The following MAP3K4 variants were observed in gnomAD, a reference collection of about 807,000 sequenced individuals.
The protein encoded by MAP3K4 is MAP three kinase 1.
Under a neutral mutation model 185.6 loss-of-function variants are expected in MAP3K4, and 67 were observed. That is an observed-to-expected ratio of 0.36 (90% CI 0.30 to 0.44). The LOEUF is 0.44. MAP3K4 is among the 20% of genes least tolerant of loss of function. MAP3K4 has a pLI of 1.00. For synonymous variants in MAP3K4, 702 were observed against 710.4 expected (o/e 0.99, Z 0.19); for missense variants, 1,551 against 1,995.1 (o/e 0.78, Z 4.24).
At chr6:161,065,623 A>G (rs1233505803) in intron 3 of MAP3K4, among the ~76,000 whole-genome samples, 1 of 152,190 alleles carries the variant, frequency 6.6e-6, no homozygotes, top group African/African-American at 2.4e-5. Flanking sequence ...AGTGTTTTAG[A>G]CTTCAGCTTT....
rs2114872551 is a variant in MAP3K4 at position 161,093,425 on chromosome 6, T to C, written c.3349-348T>C. Among the ~76,000 whole-genome samples, 1 of 152,348 alleles carries C rather than the reference T, an allele frequency of 6.6e-6. No individual in the cohort carries two copies. Among genetic ancestry groups the C allele is most frequent in the African/African-American group, 2.4e-5 (1 of 41,584 alleles). ...TGCTCGTGTTAAATATTATCACTGT[T>C]AGTCTGATAAGTGTCATCAGATTAG... is the stretch of plus-strand genomic sequence containing the variant. On this transcript the variant is annotated intron_variant, in intron 14 of 26. Coordinates refer to ENST00000392142, the MANE Select transcript of MAP3K4 (RefSeq NM_005922.4). This position sits in a 1 kb window ranked among gnomAD's most constrained non-coding sequence, Gnocchi z 5.2.
At chr6:161,035,587 A>C (rs1328972224) in intron 2 of MAP3K4, among the ~76,000 whole-genome samples, 1 of 152,200 alleles carries the variant, frequency 6.6e-6, no homozygotes, top group Admixed American at 6.5e-5. Context: ...ACTTCTTATA[A>C]AATTTGATTT....
intron 1 of MAP3K4, chr6:160,992,463 C>G (rs961017401): frequency 3.8e-6 from 1 of 264,186 alleles, no homozygotes; most frequent in African/African-American, 2.3e-5. Context: ...GAAAGTGGTC[C>G]CTCCCCTCTG....
chr6:161,030,674 C>A (rs1051223051), intron 1 of MAP3K4, among the ~76,000 whole-genome samples: 1 of 152,152 alleles, frequency 6.6e-6, no homozygotes, highest in African/African-American at 2.4e-5. Flanking sequence ...CTCAGCCTCC[C>A]CAGGTGCTGG....
In MAP3K4 at chr6:161,061,307, T is replaced by A. The variant is rs987395610; in HGVS notation, c.1708-9301T>A. 6.6e-6 allele frequency among the ~76,000 whole-genome samples: 1 copy of A among 152,248 alleles called. No individual in the cohort carries two copies. Among genetic ancestry groups the A allele is most frequent in the Non-Finnish European group, 1.5e-5 (1 of 68,044 alleles). On this transcript the variant is annotated intron_variant, in intron 3 of 26. Coordinates refer to ENST00000392142, the MANE Select transcript of MAP3K4 (RefSeq NM_005922.4). The surrounding 1 kb of genome is among the most constrained non-coding windows in gnomAD (Gnocchi z 4.2). Reference sequence around the variant, plus strand: ...ACAGTTCAAGTTTTGTTTTTGACCATCCTTAGGTTATAACCCTCTGTGGAT... The same window carrying A: ...ACAGTTCAAGTTTTGTTTTTGACCAACCTTAGGTTATAACCCTCTGTGGAT...
rs1486548481 is a variant in MAP3K4, at chr6:161,063,463, A to G, written c.1708-7145A>G. ...TTGTTTCCATGAACTTAAAGGAGAGAGGGAGTTAGGAAAGTGTTTGGGATT... is the reference window on the plus strand; with the variant it reads ...TTGTTTCCATGAACTTAAAGGAGAGGGGGAGTTAGGAAAGTGTTTGGGATT... On this transcript the variant is annotated intron_variant, in intron 3 of 26. Transcript: ENST00000392142. The surrounding 1 kb of genome is among the most constrained non-coding windows in gnomAD (Gnocchi z 5.4). Among the ~76,000 whole-genome samples the G allele has an allele frequency of 6.6e-6, 1 of 152,042 alleles. No homozygotes were observed. Among genetic ancestry groups the G allele is most frequent in the Non-Finnish European group, 1.5e-5 (1 of 68,010 alleles).
Position 161,037,769 on chromosome 6 carries a change from T to C in MAP3K4, c.343+3320T>C, listed in dbSNP as rs960848936. ...TTACTACTTTTTTTCTTGACTTAAATCTTAAAGCAAAATTAAATAATTACA... is the reference window on the plus strand; with the variant it reads ...TTACTACTTTTTTTCTTGACTTAAACCTTAAAGCAAAATTAAATAATTACA... On this transcript the variant is annotated intron_variant, in intron 2 of 26. Coordinates refer to ENST00000392142, the MANE Select transcript of MAP3K4 (RefSeq NM_005922.4). This position sits in a 1 kb window ranked among gnomAD's most constrained non-coding sequence, Gnocchi z 4.2. 3.9e-5 allele frequency among the ~76,000 whole-genome samples: 6 copies of C among 152,190 alleles called. No homozygotes were observed. Among genetic ancestry groups the C allele is most frequent in the African/African-American group, 1.4e-4 (6 of 41,454 alleles).
intron 1 of MAP3K4, among the ~76,000 whole-genome samples, chr6:161,011,312 A>G (rs931065150): frequency 2.6e-5 from 4 of 152,208 alleles, no homozygotes; most frequent in Admixed American, 6.5e-5. Flanking sequence ...AATTGATAAA[A>G]TGAGTATGGT....
chr6:161,003,876 T>C (rs1781449109), intron 1 of MAP3K4, among the ~76,000 whole-genome samples: 1 of 152,034 alleles, frequency 6.6e-6, no homozygotes, highest in Non-Finnish European at 1.5e-5. Flanking sequence ...AAGGATTCTA[T>C]TTTCAAGAAA....
At chr6:161,059,356 C>T (rs1046708526) in intron 3 of MAP3K4, among the ~76,000 whole-genome samples, 1 of 152,064 alleles carries the variant, frequency 6.6e-6, no homozygotes, top group South Asian at 2.1e-4. Flanking sequence ...AGGCTGGTCT[C>T]GAACTCCTGG....
chr6:161,066,307 C>T (rs1784711763), intron 3 of MAP3K4, among the ~76,000 whole-genome samples: 1 of 152,070 alleles, frequency 6.6e-6, no homozygotes. Flanking sequence ...TGCTTTTCTC[C>T]CCTTTTCCTT....
At chr6:161,066,249 A>C (rs1784707460) in intron 3 of MAP3K4, among the ~76,000 whole-genome samples, 1 of 152,162 alleles carries the variant, frequency 6.6e-6, no homozygotes, top group African/African-American at 2.4e-5. Context: ...ATCCCTATTC[A>C]GAGGCTGCTG....
chr6:161,089,289 G>A (rs750464258), intron 10 of MAP3K4, 33 bp from the exon 11 acceptor site: 3 of 1,603,560 alleles, frequency 1.9e-6, no homozygotes, highest in Non-Finnish European at 2.6e-6. Flanking sequence ...AACTGGGTTG[G>A]TTTTTATGTC....
At chr6:161,031,654 A>T (rs1166045748) in intron 1 of MAP3K4, among the ~76,000 whole-genome samples, 1 of 152,188 alleles carries the variant, frequency 6.6e-6, no homozygotes, top group Non-Finnish European at 1.5e-5. Flanking sequence ...TTCATCATCC[A>T]CACAGTACTG....
At chr6:161,009,449 G>T (rs1237879984) in intron 1 of MAP3K4, among the ~76,000 whole-genome samples, 3 of 152,134 alleles carry the variant, frequency 2.0e-5, no homozygotes, top group Non-Finnish European at 2.9e-5. Flanking sequence ...ACAGTTTCAT[G>T]AATTTAACTA....
Position 161,070,005 on chromosome 6 carries a change from T to G in MAP3K4, c.1708-603T>G, listed in dbSNP as rs1784868284. 6.6e-6 allele frequency among the ~76,000 whole-genome samples: 1 copy of G among 152,070 alleles called. No homozygotes were observed. ...GGGGTGGGGGCGGACAACGCAACAC[T>G]AGGGTTCCCGGGAAGCATCACAAAA... On this transcript the variant is annotated intron_variant, in intron 3 of 26. Transcript: ENST00000392142. The surrounding 1 kb of genome is among the most constrained non-coding windows in gnomAD (Gnocchi z 4.5).
Position 161,107,050 on chromosome 6 carries a change from G to GCACA in MAP3K4, c.4048+371_4048+374dup, listed in dbSNP as rs3050252. On this transcript the variant is annotated intron_variant, in intron 20 of 26. Coordinates refer to ENST00000392142, the MANE Select transcript of MAP3K4 (RefSeq NM_005922.4). The surrounding 1 kb of genome is among the most constrained non-coding windows in gnomAD (Gnocchi z 6.2). ...TCTCTCTCTCTCTACACACGCGCGCGCACACACACACACACACACACACAC... is the reference window on the plus strand; with the variant it reads ...TCTCTCTCTCTCTACACACGCGCGCGCACACACACACACACACACACACACACAC... Among the ~76,000 whole-genome samples, 2,703 of 105,216 alleles carry GCACA rather than the reference G, an allele frequency of 0.026. 32 individuals are homozygous for GCACA. Among genetic ancestry groups the GCACA allele is most frequent in the Admixed American group, 0.056 (473 of 8,436 alleles). The allele number at this position is 105,216 out of a possible 152,430, so 69.0% of individuals were successfully genotyped here.
chr6:161,098,294 T>C lies in MAP3K4; in HGVS notation c.3541T>C (p.Ser1181Pro). ...PEGFSTRSMP[S>P]DARSHGSPAA... is the part of the protein sequence containing the mutation. Reference sequence around the variant, plus strand: ...TTGTCTTAGCACTCGGAGCATGCCTTCCGACGCGCGGAGCCATGGCAGCCC... The same window carrying C: ...TTGTCTTAGCACTCGGAGCATGCCTCCCGACGCGCGGAGCCATGGCAGCCC... Residue 1181 changes from serine (S) to proline (P), a missense_variant, in exon 17 of 27, where the codon TCC becomes CCC. Ser to Pro is a moderately conservative substitution (Grantham distance 74, BLOSUM62 -1). Around this residue, in one of 16 missense-constraint regions of MAP3K4, gnomAD observed 272 missense variants for 301.2 expected, o/e 0.90. Coordinates refer to ENST00000392142, the MANE Select transcript of MAP3K4 (RefSeq NM_005922.4). The surrounding 1 kb of genome is among the most constrained non-coding windows in gnomAD (Gnocchi z 4.4). The C allele has an allele frequency of 1.9e-6, 3 of 1,612,838 alleles. No homozygotes were observed. The highest frequency in any genetic ancestry group is 1.7e-6 in the Non-Finnish European group (2 of 1,179,812).
chr6:161,020,261 TTTTC>T (rs938562251), intron 1 of MAP3K4, among the ~76,000 whole-genome samples: 1 of 142,442 alleles, frequency 7.0e-6, no homozygotes, highest in African/African-American at 2.6e-5. Flanking sequence ...AACTATGGAC[TTTTC>T]TTTGTTTGTT....
Sources: gnomAD v4.1 joint callset for allele counts (sites outside exome capture counted in the v4.1 genomes callset) on GRCh38, gnomAD v4.1.1 for gene constraint, gnomAD v4.1.1 regional missense constraint, Gnocchi (gnomAD v3.1) non-coding constraint, MANE v1.5 for transcripts, NCBI Gene and HGNC (gene_info 2026-07-23, HGNC 2026-07-21) for gene names.